Variants in APOLD1 observed in about 807,000 individuals in gnomAD.
APOLD1 encodes the protein apolipoprotein L domain containing 1, also known as apolipoprotein L domain-containing protein 1.
APOLD1 carries 22 observed loss-of-function variants against 15.3 expected under a neutral mutation model. That is an observed-to-expected ratio of 1.44 (90% confidence interval 1.03 to 2.05). The LOEUF (loss-of-function observed/expected upper bound fraction) is 2.05, where lower values mean the gene tolerates loss of function less well. Ranked by LOEUF, APOLD1 falls within the 30% of genes most tolerant of loss-of-function variation. The pLI is 0.00. For missense variants in APOLD1, 394 were observed against 353.5 expected (o/e 1.11, Z -0.92); for synonymous variants, 190 against 167.4 (o/e 1.13, Z -1.04).
chr12:12,734,706 G>A (rs1270693291), intron 1 of APOLD1, among the ~76,000 whole-genome samples: 1 of 152,180 alleles, frequency 6.6e-6, no homozygotes, highest in African/African-American at 2.4e-5. Context: ...TTATAATAGC[G>A]TAGGCTGAAC....
At chr12:12,781,621 G>A (rs1331724406), upstream of APOLD1, among the ~76,000 whole-genome samples, 2 of 145,906 alleles carry the variant, frequency 1.4e-5, no homozygotes, top group Non-Finnish European at 3.0e-5. Flanking sequence ...TCCACCTCCC[G>A]AGTTCACGCC....
intron 1 of APOLD1, among the ~76,000 whole-genome samples, chr12:12,728,101 G>A (rs1299011112): frequency 6.6e-6 from 1 of 152,048 alleles, no homozygotes; most frequent in African/African-American, 2.4e-5. Context: ...CATGTAGCTG[G>A]ACTACAGATG....
intron 1 of APOLD1, chr12:12,786,588 C>G (rs1947126206): frequency 1.1e-6 from 1 of 913,830 alleles, no homozygotes; most frequent in African/African-American, 1.8e-5. Flanking sequence ...AATACCACGC[C>G]CCTCCCAGTT....
At chr12:12,752,191 C>G (rs984418848) in intron 1 of APOLD1, among the ~76,000 whole-genome samples, 8 of 152,164 alleles carry the variant, frequency 5.3e-5, no homozygotes, top group Non-Finnish European at 1.2e-4. Context: ...TGTTTTTGGA[C>G]AGGGTAATTT....
intron 1 of APOLD1, among the ~76,000 whole-genome samples, chr12:12,733,657 C>T (rs1387532719): frequency 1.3e-5 from 2 of 152,186 alleles, no homozygotes; most frequent in Admixed American, 6.5e-5. Flanking sequence ...GGCTAGAGTG[C>T]AGTGGCACGA....
Position 12,786,940 on chromosome 12 carries a change from A to T in APOLD1, c.35A>T (p.His12Leu). 1 of 1,457,624 alleles carries T rather than the reference A, an allele frequency of 6.9e-7. No homozygotes were observed. The allele number at this position is 1,457,624 out of a possible 1,614,324, so 90.3% of individuals were successfully genotyped here. Residue 12 changes from histidine (H) to leucine (L), a missense_variant, in exon 2 of 2, where the codon CAT becomes CTT. Transcript: ENST00000356591. ...GMERPAAREP[H>L]GPDALRRFQG... ...GAGAGGCCGGCGGCCCGGGAGCCGC[A>T]TGGGCCCGACGCGCTGCGGCGCTTC...
At chr12:12,765,624 A>G (rs781493084) in intron 1 of APOLD1, among the ~76,000 whole-genome samples, 39 of 152,200 alleles carry the variant, frequency 2.6e-4, no homozygotes, top group Non-Finnish European at 4.3e-4. Flanking sequence ...TAATCCCAGC[A>G]CTTTGGGAGG....
At position 12,787,745 on chromosome 12, in the gene APOLD1, G is replaced by T; in HGVS notation, c.*93G>T. 1 of 1,495,692 alleles carries T rather than the reference G, an allele frequency of 6.7e-7. No individual in the cohort carries two copies. Among genetic ancestry groups the T allele is most frequent in the East Asian group, 2.3e-5 (1 of 43,964 alleles). 92.7% of individuals were successfully genotyped at this position (1,495,692 alleles called of 1,614,324 possible). A position where few individuals can be genotyped will look rare whatever the true frequency, so the allele number is the denominator to read the frequency against. Reference sequence around the variant, plus strand: ...CTCCCTTAGGAAAACACCAAGCTGGGTTAGGAGCCGAAGGCAAAGGATGAG... The same window carrying T: ...CTCCCTTAGGAAAACACCAAGCTGGTTTAGGAGCCGAAGGCAAAGGATGAG... On this transcript the variant is annotated 3_prime_UTR_variant, in exon 2 of 2. Coordinates refer to ENST00000356591, the MANE Select transcript of APOLD1 (RefSeq NM_030817.3). The surrounding 1 kb of genome is among the most constrained non-coding windows in gnomAD (Gnocchi z 4.9).
chr12:12,738,406 A>G (rs926683198), intron 1 of APOLD1, among the ~76,000 whole-genome samples: 6 of 151,792 alleles, frequency 4.0e-5, no homozygotes, highest in Non-Finnish European at 5.9e-5. Context: ...GGGTCTCACT[A>G]TGTTGCCCTG....
intron 1 of APOLD1, among the ~76,000 whole-genome samples, chr12:12,735,945 TCTAAA>T (rs1427659446): frequency 1.3e-5 from 2 of 151,996 alleles, no homozygotes; most frequent in African/African-American, 4.8e-5. Flanking sequence ...AGATCTTGTC[TCTAAA>T]CTAAAATAAA....
At chr12:12,756,313 C>T (rs534982825) in intron 1 of APOLD1, among the ~76,000 whole-genome samples, 1 of 152,258 alleles carries the variant, frequency 6.6e-6, no homozygotes, top group South Asian at 2.1e-4. Flanking sequence ...GAATTAGACC[C>T]GTTTGGGTTT....
At chr12:12,773,034 G>A (rs1947000744) in intron 1 of APOLD1, among the ~76,000 whole-genome samples, 2 of 152,004 alleles carry the variant, frequency 1.3e-5, no homozygotes, top group Admixed American at 6.6e-5. Flanking sequence ...AGTTATGATC[G>A]CACCACTGCA....
intron 1 of APOLD1, among the ~76,000 whole-genome samples, chr12:12,777,625 G>A (rs1947046153): frequency 6.6e-6 from 1 of 151,776 alleles, no homozygotes; most frequent in African/African-American, 2.4e-5. Context: ...TAAAAAATCT[G>A]AAATCCGAAA....
intron 1 of APOLD1, among the ~76,000 whole-genome samples, chr12:12,748,271 A>G (rs1946781339): frequency 6.6e-6 from 1 of 152,218 alleles, no homozygotes; most frequent in South Asian, 2.1e-4. Flanking sequence ...AGCACGAGGT[A>G]ATGTAAACAA....
intron 1 of APOLD1, among the ~76,000 whole-genome samples, chr12:12,766,967 T>C (rs1166388214): frequency 1.3e-5 from 2 of 152,178 alleles, no homozygotes; most frequent in African/African-American, 4.8e-5. Context: ...CCCCCTGGGC[T>C]GGGTGCAGTG....
intron 1 of APOLD1, chr12:12,726,108 G>A: frequency 6.8e-7 from 1 of 1,470,560 alleles, no homozygotes; most frequent in Non-Finnish European, 9.0e-7. Context: ...TAGAACTGGG[G>A]AGTGCGGGAG....
Position 12,790,400 on chromosome 12 carries a change from G to T in APOLD1, c.*2748G>T, listed in dbSNP as rs1947175320. On this transcript the variant is annotated 3_prime_UTR_variant, in exon 2 of 2. Transcript: ENST00000356591. Reference sequence around the variant, plus strand: ...TTTTAGAATGTACTTCACATTATTAGTTGTGTTATGGCATAAAGGTACAAC... The same window carrying T: ...TTTTAGAATGTACTTCACATTATTATTTGTGTTATGGCATAAAGGTACAAC... 6.6e-6 allele frequency: 1 copy of T among 152,160 alleles called. No homozygotes were observed. The highest frequency in any genetic ancestry group is 1.5e-5 in the Non-Finnish European group (1 of 68,018). The allele number at this position is 152,160 out of a possible 1,614,324, so 9.4% of individuals were successfully genotyped here. A position where few individuals can be genotyped will look rare whatever the true frequency, so the allele number is the denominator to read the frequency against.
rs1330653508 is a variant in APOLD1, at chr12:12,787,402, C to T, written c.497C>T (p.Ser166Phe). 4 of 1,614,148 alleles carry T rather than the reference C, an allele frequency of 2.5e-6. No individual in the cohort carries two copies. The change falls in exon 2 of 2, where the codon TCT (serine) becomes TTT (phenylalanine). Residue 166 changes from serine (S) to phenylalanine (F), a missense_variant. By Grantham distance (155) the Ser-to-Phe change is radical. Coordinates refer to ENST00000356591, the MANE Select transcript of APOLD1 (RefSeq NM_030817.3). This position sits in a 1 kb window ranked among gnomAD's most constrained non-coding sequence, Gnocchi z 4.9. ...AACGCCTCCATCGCCCTGTACAATT[C>T]TGTCTACTTCATCGTCTTCTTTGGC... is the stretch of plus-strand genomic sequence containing the variant. ...GRNASIALYN[S>F]VYFIVFFGSR... is the part of the protein sequence containing the mutation.
chr12:12,752,558 C>T (rs1946820000), intron 1 of APOLD1, among the ~76,000 whole-genome samples: 1 of 151,886 alleles, frequency 6.6e-6, no homozygotes, highest in South Asian at 2.1e-4. Flanking sequence ...ATGGATTGAA[C>T]AAAAATGATA....
Sources: allele counts gnomAD v4.1 joint callset (sites outside exome capture counted in the v4.1 genomes callset), GRCh38; gene constraint gnomAD v4.1.1; non-coding constraint Gnocchi (gnomAD v3.1); transcripts MANE v1.5; gene names NCBI Gene and HGNC (gene_info 2026-07-23, HGNC 2026-07-21).